Variants in CCBE1 observed in about 807,000 individuals in gnomAD.
CCBE1 encodes the protein collagen and calcium binding EGF domains 1.
Under a neutral mutation model 50.0 loss-of-function variants are expected in CCBE1, and 37 were observed. The ratio of observed to expected loss-of-function variants is 0.74; its 90% CI spans 0.57 to 0.97. The LOEUF is 0.97. Ranked by LOEUF, CCBE1 falls within the 50% of genes least tolerant of loss-of-function variation. The probability of loss-of-function intolerance (pLI) is 0.00; values close to 1 mark genes in which losing one functional copy is unlikely to be tolerated. For synonymous variants in CCBE1, 234 were observed against 203.7 expected (o/e 1.15, Z -1.27); for missense variants, 538 against 523.8 (o/e 1.03, Z -0.26).
intron 2 of CCBE1, among the ~76,000 whole-genome samples, chr18:59,539,048 C>A (rs1049689785): frequency 2.6e-5 from 4 of 152,088 alleles, no homozygotes; most frequent in Non-Finnish European, 5.9e-5. Context: ...CAGTAGCATG[C>A]ACCTACAGTC....
At chr18:59,461,395 G>A (rs13381289) in intron 5 of CCBE1, among the ~76,000 whole-genome samples, 39,615 of 151,362 alleles carry the variant, frequency 0.26, 6,371 homozygotes, top group East Asian at 0.68. Context: ...TTCAGGGCAT[G>A]CAACGGCCTG....
chr18:59,472,757 G>A (rs949129105), intron 3 of CCBE1, among the ~76,000 whole-genome samples: 4 of 152,126 alleles, frequency 2.6e-5, no homozygotes, highest in Non-Finnish European at 5.9e-5. Context: ...CTGTTCTCAC[G>A]CTGCTAATAA....
At chr18:59,670,766 G>A (rs566700847) in intron 2 of CCBE1, among the ~76,000 whole-genome samples, 37 of 152,098 alleles carry the variant, frequency 2.4e-4, no homozygotes, top group African/African-American at 8.7e-4. Flanking sequence ...TGGCCAACAT[G>A]GTGAAATGCT....
chr18:59,463,208 T>C (rs1377274109), intron 5 of CCBE1, among the ~76,000 whole-genome samples: 1 of 152,232 alleles, frequency 6.6e-6, no homozygotes, highest in East Asian at 1.9e-4. Flanking sequence ...CAGCCCTTTC[T>C]GGGCCCACAC....
chr18:59,595,634 A>G (rs1377096255), intron 2 of CCBE1, among the ~76,000 whole-genome samples: 1 of 152,244 alleles, frequency 6.6e-6, no homozygotes, highest in Admixed American at 6.5e-5. Flanking sequence ...ACAATGAATG[A>G]CTATTATCAG....
At chr18:59,581,821 C>T (rs2053088027) in intron 2 of CCBE1, among the ~76,000 whole-genome samples, 1 of 152,098 alleles carries the variant, frequency 6.6e-6, no homozygotes, top group African/African-American at 2.4e-5. Flanking sequence ...GTTGTGACAA[C>T]CAAAAATGTC....
intron 7 of CCBE1, among the ~76,000 whole-genome samples, chr18:59,441,947 C>G (rs1477484574): frequency 1.3e-5 from 2 of 152,206 alleles, no homozygotes; most frequent in Admixed American, 6.5e-5. Flanking sequence ...GAATAAAGCT[C>G]TAACTCCTCA....
chr18:59,679,446 G>T, intron 2 of CCBE1, among the ~76,000 whole-genome samples: 1 of 152,202 alleles, frequency 6.6e-6, no homozygotes, highest in East Asian at 1.9e-4. Flanking sequence ...GCTGACATAT[G>T]TAGTGGTAAG....
At chr18:59,598,918 G>A (rs897309630) in intron 2 of CCBE1, among the ~76,000 whole-genome samples, 1 of 152,148 alleles carries the variant, frequency 6.6e-6, no homozygotes, top group Non-Finnish European at 1.5e-5. Flanking sequence ...TTCCCGAGAA[G>A]GAAGTCAACA....
At chr18:59,481,710 C>A (rs2143775548) in intron 2 of CCBE1, among the ~76,000 whole-genome samples, 1 of 152,182 alleles carries the variant, frequency 6.6e-6, no homozygotes, top group African/African-American at 2.4e-5. Context: ...CCCAGAATAT[C>A]CAGTGAAAAT....
chr18:59,666,967 AAAAT>A (rs1227136444), intron 2 of CCBE1, among the ~76,000 whole-genome samples: 6 of 152,292 alleles, frequency 3.9e-5, no homozygotes, highest in South Asian at 4.1e-4. Context: ...TCTGTCTCAA[AAAAT>A]AAATAAATAA....
chr18:59,618,840 G>T (rs574946244), intron 2 of CCBE1, among the ~76,000 whole-genome samples: 153 of 151,488 alleles, frequency 1.0e-3, no homozygotes, highest in Admixed American at 1.8e-3. Flanking sequence ...AAACTACCCA[G>T]TTTTTTTTTA....
At chr18:59,529,198 C>T (rs980330081) in intron 2 of CCBE1, among the ~76,000 whole-genome samples, 20 of 152,334 alleles carry the variant, frequency 1.3e-4, no homozygotes, top group African/African-American at 3.1e-4. Context: ...AGGCCCTGCC[C>T]GGTGAGGAGA....
At position 59,468,837 on chromosome 18, in the gene CCBE1, GTT is replaced by G. The variant is rs57118468; in HGVS notation, c.400+634_400+635del. 3.1e-3 allele frequency among the ~76,000 whole-genome samples: 387 copies of G among 124,068 alleles called. 2 individuals carry two copies. The highest frequency in any genetic ancestry group is 4.1e-3 in the Non-Finnish European group (225 of 54,968). 81.4% of individuals were successfully genotyped at this position (124,068 alleles called of 152,430 possible). A position where few individuals can be genotyped will look rare whatever the true frequency, so the allele number is the denominator to read the frequency against. On this transcript the variant is annotated intron_variant, in intron 4 of 10. Coordinates refer to ENST00000439986, the MANE Select transcript of CCBE1 (RefSeq NM_133459.4). ...TCATTAGGTGTGGAGAAAAGGCCAG[GTT>G]TTTTTTTTTTTTCCCCAAACGAGGA...
chr18:59,472,959 C>G (rs572376147), intron 3 of CCBE1, among the ~76,000 whole-genome samples: 1 of 152,260 alleles, frequency 6.6e-6, no homozygotes, highest in East Asian at 1.9e-4. Context: ...GTGAGACTTA[C>G]CACCATGAGA....
intron 2 of CCBE1, among the ~76,000 whole-genome samples, chr18:59,583,704 T>C (rs904753824): frequency 1.3e-5 from 2 of 148,396 alleles, no homozygotes; most frequent in Non-Finnish European, 3.0e-5. Context: ...CGCGCGCGTG[T>C]GTGTGTATGT....
chr18:59,622,817 A>T (rs1266808179), intron 2 of CCBE1, among the ~76,000 whole-genome samples: 1 of 97,438 alleles, frequency 1.0e-5, no homozygotes, highest in Non-Finnish European at 1.8e-5. Flanking sequence ...AAAAAGAAAG[A>T]AAAAGAAAAA....
At chr18:59,679,217 T>C (rs139009023) in intron 2 of CCBE1, among the ~76,000 whole-genome samples, 160 of 152,338 alleles carry the variant, frequency 1.1e-3, no homozygotes, top group African/African-American at 3.6e-3. Context: ...ATTTCTATTC[T>C]AGAAACTTGC....
chr18:59,513,200 C>T (rs762704172), intron 2 of CCBE1, among the ~76,000 whole-genome samples: 7 of 152,046 alleles, frequency 4.6e-5, no homozygotes, highest in Non-Finnish European at 1.0e-4. Flanking sequence ...CCCAGCTACT[C>T]GGGAGGCTGA....
Sources: gnomAD v4.1 joint callset for allele counts (sites outside exome capture counted in the v4.1 genomes callset) on GRCh38, gnomAD v4.1.1 for gene constraint, MANE v1.5 for transcripts, NCBI Gene and HGNC (gene_info 2026-07-23, HGNC 2026-07-21) for gene names.